Variants in LRP1B observed in about 807,000 individuals in gnomAD.
LRP1B encodes LDL receptor related protein 1B.
Under a neutral mutation model 556.6 loss-of-function variants are expected in LRP1B, and 217 were observed. The ratio of observed to expected loss-of-function variants is 0.39; its 90% CI spans 0.35 to 0.44. The LOEUF (loss-of-function observed/expected upper bound fraction) is 0.44, where lower values mean the gene tolerates loss of function less well. Ranked by LOEUF, LRP1B falls within the 20% of genes least tolerant of loss-of-function variation. The probability of loss-of-function intolerance (pLI) is 1.00; values close to 1 mark genes in which losing one functional copy is unlikely to be tolerated. For synonymous variants in LRP1B, 2,047 were observed against 1,865.8 expected, an observed-to-expected ratio of 1.10 and a Z score of -2.50; for missense variants, 5,053 against 5,620.8, an observed-to-expected ratio of 0.90 and a Z score of 3.23.
chr2:140,756,072 A>G (rs200146612), intron 35 of LRP1B, among the ~76,000 whole-genome samples: 2 of 152,042 alleles, frequency 1.3e-5, no homozygotes, highest in South Asian at 4.1e-4. Context: ...GAACTTGAAA[A>G]ATAAAATTAA....
At chr2:141,579,922 T>C (rs946385327) in intron 2 of LRP1B, among the ~76,000 whole-genome samples, 3 of 152,004 alleles carry the variant, frequency 2.0e-5, no homozygotes, top group African/African-American at 7.3e-5. Flanking sequence ...GGATGGTCTC[T>C]GTCTCCTGAC....
intron 43 of LRP1B, among the ~76,000 whole-genome samples, chr2:140,595,090 A>ATATCTATCTATC (rs1207265838): frequency 3.0e-4 from 1 of 3,334 alleles, no homozygotes; most frequent in African/African-American, 8.5e-4. Flanking sequence ...TAAATTGAAT[A>ATATCTATCTATC]TATATATATA....
At chr2:142,080,186 ACTG>A (rs757949678) in intron 1 of LRP1B, among the ~76,000 whole-genome samples, 1 of 152,118 alleles carries the variant, frequency 6.6e-6, no homozygotes, top group Non-Finnish European at 1.5e-5. Flanking sequence ...TTCTGGGAAA[ACTG>A]CTGCTACATG....
chr2:142,112,111 A>C (rs1312878665), intron 1 of LRP1B, among the ~76,000 whole-genome samples: 1 of 152,092 alleles, frequency 6.6e-6, no homozygotes, highest in African/African-American at 2.4e-5. Flanking sequence ...CTTACATCAC[A>C]GTTATTAATA....
chr2:140,771,093 G>T, intron 33 of LRP1B, 87 bp from the exon 34 acceptor site: 1 of 885,230 alleles, frequency 1.1e-6, no homozygotes, highest in Non-Finnish European at 1.7e-6. Flanking sequence ...TGACAAATAT[G>T]TATGCTATTG....
chr2:141,639,630 G>A (rs986551639), intron 2 of LRP1B, among the ~76,000 whole-genome samples: 4 of 151,304 alleles, frequency 2.6e-5, no homozygotes, highest in African/African-American at 9.7e-5. Flanking sequence ...TAATAACAAT[G>A]TATACATTTT....
chr2:140,255,977 G>A (rs76701929), intron 86 of LRP1B, among the ~76,000 whole-genome samples: 1 of 151,682 alleles, frequency 6.6e-6, no homozygotes, highest in Non-Finnish European at 1.5e-5. Context: ...CTAGTACTTG[G>A]GCGTATGTAA....
chr2:141,585,430 T>TGTG (rs1314729778), intron 2 of LRP1B, among the ~76,000 whole-genome samples: 1 of 145,094 alleles, frequency 6.9e-6, no homozygotes, highest in Non-Finnish European at 1.5e-5. Flanking sequence ...ATCGTGTGTG[T>TGTG]GTGTGTGTGT....
chr2:140,439,876 T>C (rs192248943), intron 66 of LRP1B, among the ~76,000 whole-genome samples: 1 of 152,072 alleles, frequency 6.6e-6, no homozygotes. Context: ...AATATAAATA[T>C]AGAATTTAAA....
At chr2:140,247,637 A>T (rs1388602741) in intron 86 of LRP1B, among the ~76,000 whole-genome samples, 9 of 151,566 alleles carry the variant, frequency 5.9e-5, no homozygotes, top group Non-Finnish European at 1.2e-4. Context: ...TGGAGTTTTT[A>T]CTCTCCTAAG....
rs145500991 is a variant in LRP1B, at chr2:141,477,850, T to A, written c.343+2546A>T. Among the ~76,000 whole-genome samples the A allele has an allele frequency of 1.6e-3, 244 of 152,272 alleles. 3 individuals are homozygous for A. The highest frequency in any genetic ancestry group is 5.6e-3 in the African/African-American group (233 of 41,544). On this transcript the variant is annotated intron_variant, in intron 3 of 90. Transcript: ENST00000389484. The stretch of plus-strand genomic sequence containing the variant: ...TTATTTCTAAGTCTACCATAGGTCA[T>A]AATGAATGGTTGCTTAGGTCTTTTA...
At chr2:141,742,949 T>A (rs879731377) in intron 2 of LRP1B, among the ~76,000 whole-genome samples, 2 of 152,152 alleles carry the variant, frequency 1.3e-5, no homozygotes, top group Admixed American at 6.6e-5. Flanking sequence ...TTTTTGTATG[T>A]TGATTTTGTA....
chr2:140,594,160 G>A (rs1425899602), intron 43 of LRP1B, among the ~76,000 whole-genome samples: 1 of 151,960 alleles, frequency 6.6e-6, no homozygotes, highest in African/African-American at 2.4e-5. Context: ...AGTAGAAATG[G>A]GGTTTCACCA....
chr2:141,493,147 T>C (rs1175988474), intron 2 of LRP1B, among the ~76,000 whole-genome samples: 1 of 152,040 alleles, frequency 6.6e-6, no homozygotes, highest in African/African-American at 2.4e-5. Context: ...ATTGCAGAGG[T>C]TGAATACTTT....
intron 1 of LRP1B, among the ~76,000 whole-genome samples, chr2:142,111,522 C>A (rs1392758119): frequency 2.0e-5 from 3 of 152,076 alleles, no homozygotes; most frequent in Non-Finnish European, 4.4e-5. Context: ...CTTGAGAGAG[C>A]CTTTTGTCCA....
rs935171101 is a variant in LRP1B, at chr2:141,652,852, G to T, written c.205+157427C>A. On this transcript the variant is annotated intron_variant, in intron 2 of 90. Coordinates refer to ENST00000389484, the MANE Select transcript of LRP1B (RefSeq NM_018557.3). ...ATGAAATATACACCAAGAGAAGAAT[G>T]TCTACCTCTTGTCATATATAAGGCT... is the stretch of plus-strand genomic sequence containing the variant. Among the ~76,000 whole-genome samples, 3 of 152,194 alleles carry T rather than the reference G, an allele frequency of 2.0e-5. 1 individual carries two copies.
intron 1 of LRP1B, among the ~76,000 whole-genome samples, chr2:141,954,237 C>G (rs1701188076): frequency 6.6e-6 from 1 of 152,064 alleles, no homozygotes; most frequent in African/African-American, 2.4e-5. Context: ...CAGTCTCATT[C>G]CATAGCCAGT....
chr2:141,444,636 AG>A (rs747938743), intron 3 of LRP1B, among the ~76,000 whole-genome samples: 7 of 152,152 alleles, frequency 4.6e-5, no homozygotes, highest in Admixed American at 2.0e-4. Flanking sequence ...TTTAGTATGA[AG>A]GTGTGTTGAA....
intron 25 of LRP1B, among the ~76,000 whole-genome samples, chr2:140,879,245 C>T (rs1693400078): frequency 6.6e-6 from 1 of 152,154 alleles, no homozygotes; most frequent in South Asian, 2.1e-4. Flanking sequence ...GAGAGTCCAA[C>T]TATCCATCAG....
Sources: gnomAD v4.1 joint callset for allele counts (sites outside exome capture counted in the v4.1 genomes callset) on GRCh38, gnomAD v4.1.1 for gene constraint, MANE v1.5 for transcripts, NCBI Gene and HGNC (gene_info 2026-07-23, HGNC 2026-07-21) for gene names.